Variants in PDLIM1 observed in about 807,000 individuals in gnomAD.
PDLIM1 encodes PDZ and LIM domain protein 1.
In PDLIM1, 25 loss-of-function variants were observed where a neutral mutation model predicts 35.2. The ratio of observed to expected loss-of-function variants is 0.71; its 90% confidence interval spans 0.52 to 0.99. The LOEUF (loss-of-function observed/expected upper bound fraction) is 0.99. Among genes scored for constraint, PDLIM1 ranks in the 50% least tolerant of loss-of-function variants. PDLIM1 has a pLI of 0.00. For missense variants in PDLIM1, 363 were observed against 415.3 expected, an observed-to-expected ratio of 0.87 and a Z score of 1.09; for synonymous variants, 152 against 154.0, an observed-to-expected ratio of 0.99 and a Z score of 0.10.
chr10:95,262,166 G>A lies in PDLIM1; in HGVS notation c.533+1698C>T, dbSNP rs558343271. Among the ~76,000 whole-genome samples, 10 of 152,292 alleles carry A rather than the reference G, an allele frequency of 6.6e-5. No homozygotes were observed. In the South Asian group the frequency reaches 2.1e-3, roughly 32 times the overall value. The stretch of plus-strand genomic sequence containing the variant: ...AGGAATGCCCAAGGAGCCCTTGAGA[G>A]GTGTTGCTACAACAGCCCTTTCCAA... On this transcript the variant is annotated intron_variant, in intron 4 of 6. Coordinates refer to ENST00000329399, the MANE Select transcript of PDLIM1 (RefSeq NM_020992.4).
intron 5 of PDLIM1, among the ~76,000 whole-genome samples, chr10:95,239,586 A>G (rs2035158754): frequency 6.6e-6 from 1 of 152,220 alleles, no homozygotes; most frequent in African/African-American, 2.4e-5. Context: ...ACCTGAGGTC[A>G]GGAATTTGAG....
intron 1 of PDLIM1, among the ~76,000 whole-genome samples, chr10:95,289,030 C>T (rs2035627587): frequency 6.6e-6 from 1 of 152,188 alleles, no homozygotes; most frequent in Admixed American, 6.5e-5. Flanking sequence ...TTTTCCACCC[C>T]ATTCCATCAT....
chr10:95,278,192 T>C (rs1327139302), intron 1 of PDLIM1, among the ~76,000 whole-genome samples: 1 of 152,222 alleles, frequency 6.6e-6, no homozygotes, highest in African/African-American at 2.4e-5. Context: ...AGGGTTCAAG[T>C]CCTGCCTGGC....
intron 4 of PDLIM1, among the ~76,000 whole-genome samples, chr10:95,250,595 T>A (rs762556227): frequency 2.0e-5 from 3 of 152,070 alleles, no homozygotes; most frequent in African/African-American, 4.8e-5. Flanking sequence ...GAGCAAAAAA[T>A]TTCTCGTTTT....
rs2035229170 is a variant in PDLIM1, at chr10:95,247,241, T to C, written c.659A>G (p.Gln220Arg). 3 of 1,613,798 alleles carry C rather than the reference T, an allele frequency of 1.9e-6. No homozygotes were observed. The highest frequency in any genetic ancestry group is 2.5e-6 in the Non-Finnish European group (3 of 1,179,924). ...TTTTTCTTCAGACTCCAGGATTTCC[T>C]GCAAAACCAAGAAAGACGTGGACTG... ...PKQSTSFLVL[Q>R]EILESEEKGD... The change falls in exon 5 of 7, where the codon CAG becomes CGG. Residue 220 changes from glutamine (Q) to arginine (R), a missense_variant. Coordinates refer to ENST00000329399, the MANE Select transcript of PDLIM1 (RefSeq NM_020992.4).
chr10:95,258,834 A>G lies in PDLIM1; in HGVS notation c.533+5030T>C, dbSNP rs564603911. On this transcript the variant is annotated intron_variant, in intron 4 of 6. Coordinates refer to ENST00000329399, the MANE Select transcript of PDLIM1 (RefSeq NM_020992.4). Reference sequence around the variant, plus strand: ...TTCATGTTTTTTAACACAATAAAAAAAGACAAACCCATAAAACAGAAAAAA... The same window carrying G: ...TTCATGTTTTTTAACACAATAAAAAGAGACAAACCCATAAAACAGAAAAAA... Among the ~76,000 whole-genome samples, 62 of 152,348 alleles carry G rather than the reference A, an allele frequency of 4.1e-4. No individual in the cohort carries two copies. The South Asian group carries it at 0.013, about 31-fold the overall frequency.
At chr10:95,275,655 C>CA (rs1441348612) in intron 1 of PDLIM1, among the ~76,000 whole-genome samples, 7 of 152,172 alleles carry the variant, frequency 4.6e-5, no homozygotes, top group Non-Finnish European at 1.0e-4. Context: ...TCACAAAACT[C>CA]AAATGAGATT....
chr10:95,259,797 C>T (rs1209009155), intron 4 of PDLIM1, among the ~76,000 whole-genome samples: 1 of 152,174 alleles, frequency 6.6e-6, no homozygotes, highest in Non-Finnish European at 1.5e-5. Context: ...AAATCTCCCT[C>T]ATGAATGTTT....
intron 1 of PDLIM1, among the ~76,000 whole-genome samples, chr10:95,284,242 T>C (rs4083635): frequency 0.18 from 27,630 of 152,162 alleles, 2,966 homozygotes; most frequent in Admixed American, 0.26. Flanking sequence ...GGAGAACTGT[T>C]GGGTTATATG....
At chr10:95,256,983 A>G (rs1454027793) in intron 4 of PDLIM1, among the ~76,000 whole-genome samples, 6,942 of 137,176 alleles carry the variant, frequency 0.051, 440 homozygotes, top group Non-Finnish European at 0.058. Context: ...TTAAAAAAAA[A>G]AAAAAAGAAA....
At chr10:95,289,247 C>G (rs918525319) in intron 1 of PDLIM1, among the ~76,000 whole-genome samples, 3 of 152,220 alleles carry the variant, frequency 2.0e-5, no homozygotes, top group African/African-American at 7.2e-5. Flanking sequence ...AATGTGCAGA[C>G]ACAATGTCCT....
At chr10:95,289,818 G>A (rs2035636167) in intron 1 of PDLIM1, among the ~76,000 whole-genome samples, 1 of 152,256 alleles carries the variant, frequency 6.6e-6, no homozygotes, top group Admixed American at 6.5e-5. Flanking sequence ...CATGGGTGGG[G>A]AGAAAGGGGA....
In PDLIM1 at chr10:95,263,863, C is replaced by T. The variant is rs778264797; in HGVS notation, c.533+1G>A. 4.4e-6 allele frequency: 7 copies of T among 1,606,290 alleles called. No homozygotes were observed. Among genetic ancestry groups the T allele is most frequent in the East Asian group, 4.5e-5 (2 of 44,872 alleles). ...CAGAGGAGGACTCCTGGGCTACTTACGGTCTGCTGTTCGCCTCCACCCCGC... is the reference window on the plus strand; with the variant it reads ...CAGAGGAGGACTCCTGGGCTACTTATGGTCTGCTGTTCGCCTCCACCCCGC... On this transcript the variant is annotated splice_donor_variant, in intron 4 of 6. Transcript: ENST00000329399. LOFTEE classifies it high-confidence loss of function.
intron 1 of PDLIM1, among the ~76,000 whole-genome samples, chr10:95,278,719 T>C (rs573102570): frequency 3.3e-5 from 5 of 151,610 alleles, no homozygotes; most frequent in East Asian, 3.9e-4. Flanking sequence ...AACAAAGAAA[T>C]TGAAACATAG....
intron 4 of PDLIM1, among the ~76,000 whole-genome samples, chr10:95,250,694 T>C (rs918244902): frequency 2.0e-5 from 3 of 152,238 alleles, no homozygotes; most frequent in African/African-American, 4.8e-5. Context: ...AGAAAAAGTT[T>C]TGACGGCGTA....
chr10:95,270,385 A>G (rs2035454193), intron 2 of PDLIM1, among the ~76,000 whole-genome samples: 1 of 152,156 alleles, frequency 6.6e-6, no homozygotes, highest in Non-Finnish European at 1.5e-5. Context: ...ATCTAACCAA[A>G]GGCTCCATGA....
intron 5 of PDLIM1, among the ~76,000 whole-genome samples, chr10:95,241,139 A>G (rs1015624365): frequency 6.6e-6 from 1 of 152,236 alleles, no homozygotes; most frequent in Non-Finnish European, 1.5e-5. Context: ...CGGGGCTGAC[A>G]GACAAGGGCC....
intron 1 of PDLIM1, among the ~76,000 whole-genome samples, chr10:95,279,637 A>G (rs1166914589): frequency 4.6e-5 from 7 of 152,218 alleles, no homozygotes; most frequent in Non-Finnish European, 8.8e-5. Flanking sequence ...GGGCTGAGTC[A>G]GAGTTTACTG....
chr10:95,289,355 C>T (rs2035631695), intron 1 of PDLIM1, among the ~76,000 whole-genome samples: 1 of 152,166 alleles, frequency 6.6e-6, no homozygotes, highest in Non-Finnish European at 1.5e-5. Flanking sequence ...GGGGAAGGCA[C>T]AGTTCCTGCG....
Sources: allele counts gnomAD v4.1 joint callset (sites outside exome capture counted in the v4.1 genomes callset), GRCh38; gene constraint gnomAD v4.1.1; transcripts MANE v1.5; gene names NCBI Gene and HGNC (gene_info 2026-07-23, HGNC 2026-07-21).